KLHDC3: variants seen among roughly 807,000 people sequenced by gnomAD.
The protein encoded by KLHDC3 is kelch domain-containing protein 3.
Under a neutral mutation model 44.1 loss-of-function variants are expected in KLHDC3, and 5 were observed. The ratio of observed to expected loss-of-function variants is 0.11; its 90% CI spans 0.06 to 0.24. The LOEUF (loss-of-function observed/expected upper bound fraction) is 0.24, where lower values mean the gene tolerates loss of function less well. Among genes scored for constraint, KLHDC3 ranks in the 10% least tolerant of loss-of-function variants. The pLI, the probability that KLHDC3 is intolerant of heterozygous loss-of-function variation, is 1.00. For synonymous variants in KLHDC3, 170 were observed against 189.0 expected, an observed-to-expected ratio of 0.90 and a Z score of 0.82; for missense variants, 247 against 514.3, an observed-to-expected ratio of 0.48 and a Z score of 5.03.
chr6:43,021,280 A>T lies in KLHDC3; in HGVS notation c.*547A>T, dbSNP rs1762696758. ...GCCAGCTCAGATTTTATAAAAATTA[A>T]TTAAAATCTCCAAACGTGTTGTGTG... On this transcript the variant is annotated 3_prime_UTR_variant, in exon 11 of 11. Coordinates refer to ENST00000326974, the MANE Select transcript of KLHDC3 (RefSeq NM_057161.4). The T allele has an allele frequency of 2.7e-6, 1 of 370,962 alleles. No homozygotes were observed. The highest frequency in any genetic ancestry group is 5.3e-6 in the Non-Finnish European group (1 of 189,616). The allele number at this position is 370,962 out of a possible 1,614,324, so 23.0% of individuals were successfully genotyped here. A position where few individuals can be genotyped will look rare whatever the true frequency, so the allele number is the denominator to read the frequency against.
In KLHDC3 at chr6:43,018,309, C is replaced by G; in HGVS notation, c.520-34C>G. On this transcript the variant is annotated intron_variant, in intron 5 of 10. Coordinates refer to ENST00000326974, the MANE Select transcript of KLHDC3 (RefSeq NM_057161.4). The surrounding 1 kb of genome is among the most constrained non-coding windows in gnomAD (Gnocchi z 6.0). ...AGGAGATCCTCTTCCAGTCTTTGTG[C>G]TGACCCCTCCACCATCTCTCTGCCT... 1 of 1,597,148 alleles carries G rather than the reference C, an allele frequency of 6.3e-7. No homozygotes were observed. Among genetic ancestry groups the G allele is most frequent in the Non-Finnish European group, 8.6e-7 (1 of 1,165,418 alleles).
rs748593227 is a variant in KLHDC3, at chr6:43,018,316, C to T, written c.520-27C>T. On this transcript the variant is annotated intron_variant, in intron 5 of 10. Coordinates refer to ENST00000326974, the MANE Select transcript of KLHDC3 (RefSeq NM_057161.4). This position sits in a 1 kb window ranked among gnomAD's most constrained non-coding sequence, Gnocchi z 6.0. The stretch of plus-strand genomic sequence containing the variant: ...CCTCTTCCAGTCTTTGTGCTGACCC[C>T]TCCACCATCTCTCTGCCTCTGCCCA... 2 of 1,605,522 alleles carry T rather than the reference C, an allele frequency of 1.2e-6. No homozygotes were observed. The highest frequency in any genetic ancestry group is 1.3e-5 in the African/African-American group (1 of 74,756).
intron 1 of KLHDC3, among the ~76,000 whole-genome samples, chr6:43,015,022 A>T (rs938189019): frequency 6.6e-5 from 10 of 151,904 alleles, no homozygotes; most frequent in Non-Finnish European, 1.5e-4. Flanking sequence ...AGAAACTAAA[A>T]TTTTTTTTCT....
intron 1 of KLHDC3, among the ~76,000 whole-genome samples, chr6:43,015,764 C>T (rs971095478): frequency 1.1e-4 from 17 of 149,716 alleles, no homozygotes; most frequent in African/African-American, 3.0e-4. Context: ...GCAGGAGAAT[C>T]GCTTGAACCC....
In KLHDC3 at chr6:43,018,603, A is replaced by G. The variant is rs534693631; in HGVS notation, c.734-30A>G. The G allele has an allele frequency of 3.0e-5, 48 of 1,612,018 alleles. No individual in the cohort carries two copies. In the South Asian group the frequency reaches 4.8e-4, roughly 16 times the overall value. Reference sequence around the variant, plus strand: ...GTGGAGTTCCCTTCCTGCCCTCTTCACACTCCTGACACTTCCTCTCTCCTT... The same window carrying G: ...GTGGAGTTCCCTTCCTGCCCTCTTCGCACTCCTGACACTTCCTCTCTCCTT... On this transcript the variant is annotated intron_variant, in intron 6 of 10. Coordinates refer to ENST00000326974, the MANE Select transcript of KLHDC3 (RefSeq NM_057161.4). This position sits in a 1 kb window ranked among gnomAD's most constrained non-coding sequence, Gnocchi z 6.0.
chr6:43,014,530 A>G (rs776771304), intron 1 of KLHDC3, 182 bp downstream of exon 1: 2 of 468,072 alleles, frequency 4.3e-6, no homozygotes, highest in South Asian at 3.1e-5. Context: ...TGGCGAGGAG[A>G]TGGGTAGGAG....
Position 43,018,329 on chromosome 6 carries a change from C to G in KLHDC3, c.520-14C>G. 6.2e-7 allele frequency: 1 copy of G among 1,611,592 alleles called. No individual in the cohort carries two copies. Among genetic ancestry groups the G allele is most frequent in the Non-Finnish European group, 8.5e-7 (1 of 1,178,400 alleles). Reference sequence around the variant, plus strand: ...TTGTGCTGACCCCTCCACCATCTCTCTGCCTCTGCCCAGGGCAGCCCTGCA... The same window carrying G: ...TTGTGCTGACCCCTCCACCATCTCTGTGCCTCTGCCCAGGGCAGCCCTGCA... On this transcript the variant is annotated splice_polypyrimidine_tract_variant and intron_variant, in intron 5 of 10. Coordinates refer to ENST00000326974, the MANE Select transcript of KLHDC3 (RefSeq NM_057161.4). This position sits in a 1 kb window ranked among gnomAD's most constrained non-coding sequence, Gnocchi z 6.0.
rs747769983 is a variant in KLHDC3 at position 43,018,108 on chromosome 6, C to T, written c.448-37C>T. ...TGGAGGGTCAGAGAGTGACCATTGGCTCCCTCTTTTCTTCCTCCTTTTCTC... is the reference window on the plus strand; with the variant it reads ...TGGAGGGTCAGAGAGTGACCATTGGTTCCCTCTTTTCTTCCTCCTTTTCTC... On this transcript the variant is annotated intron_variant, in intron 4 of 10. Coordinates refer to ENST00000326974, the MANE Select transcript of KLHDC3 (RefSeq NM_057161.4). This position sits in a 1 kb window ranked among gnomAD's most constrained non-coding sequence, Gnocchi z 6.0. 10 of 1,493,016 alleles carry T rather than the reference C, an allele frequency of 6.7e-6. No homozygotes were observed. The South Asian group carries it at 1.1e-4, about 17-fold the overall frequency. The allele number at this position is 1,493,016 out of a possible 1,614,324, so 92.5% of individuals were successfully genotyped here. A position where few individuals can be genotyped will look rare whatever the true frequency, so the allele number is the denominator to read the frequency against.
chr6:43,020,804 C>T lies in KLHDC3; in HGVS notation c.*71C>T, dbSNP rs980174390. 5.8e-5 allele frequency: 71 copies of T among 1,220,810 alleles called. 1 individual carries two copies. Among genetic ancestry groups the T allele is most frequent in the Admixed American group, 4.1e-4 (24 of 59,212 alleles). 75.6% of individuals were successfully genotyped at this position (1,220,810 alleles called of 1,614,324 possible). On this transcript the variant is annotated 3_prime_UTR_variant, in exon 11 of 11. Transcript: ENST00000326974. ...ACTGCCCCTGCCCATCTGTCACCCA[C>T]CTGCTCCTTTGACCCCTGGACTTGG...
In KLHDC3 at chr6:43,020,810, C is replaced by T; in HGVS notation, c.*77C>T. The T allele has an allele frequency of 8.9e-7, 1 of 1,125,968 alleles. No homozygotes were observed. Among genetic ancestry groups the T allele is most frequent in the East Asian group, 2.4e-5 (1 of 42,268 alleles). The allele number at this position is 1,125,968 out of a possible 1,614,324, so 69.7% of individuals were successfully genotyped here. On this transcript the variant is annotated 3_prime_UTR_variant, in exon 11 of 11. Coordinates refer to ENST00000326974, the MANE Select transcript of KLHDC3 (RefSeq NM_057161.4). ...CCTGCCCATCTGTCACCCACCTGCT[C>T]CTTTGACCCCTGGACTTGGTATACC...
Position 43,018,111 on chromosome 6 carries a change from C to T in KLHDC3, c.448-34C>T. 6.6e-7 allele frequency: 1 copy of T among 1,514,892 alleles called. No individual in the cohort carries two copies. Among genetic ancestry groups the T allele is most frequent in the East Asian group, 2.3e-5 (1 of 44,408 alleles). 93.8% of individuals were successfully genotyped at this position (1,514,892 alleles called of 1,614,324 possible). A position where few individuals can be genotyped will look rare whatever the true frequency, so the allele number is the denominator to read the frequency against. On this transcript the variant is annotated intron_variant, in intron 4 of 10. Coordinates refer to ENST00000326974, the MANE Select transcript of KLHDC3 (RefSeq NM_057161.4). The surrounding 1 kb of genome is among the most constrained non-coding windows in gnomAD (Gnocchi z 6.0). ...AGGGTCAGAGAGTGACCATTGGCTC[C>T]CTCTTTTCTTCCTCCTTTTCTCTTC...
intron 10 of KLHDC3, among the ~76,000 whole-genome samples, chr6:43,020,387 A>G (rs925860268): frequency 2.6e-5 from 4 of 152,174 alleles, no homozygotes; most frequent in Non-Finnish European, 5.9e-5. Context: ...TGACATGTAT[A>G]CACAGATCTC....
rs1320036439 is a variant in KLHDC3 at position 43,017,100 on chromosome 6, G to A, written c.-59-34G>A. The A allele has an allele frequency of 7.6e-6, 11 of 1,445,256 alleles. No homozygotes were observed. Among genetic ancestry groups the A allele is most frequent in the East Asian group, 2.3e-5 (1 of 43,998 alleles). 89.5% of individuals were successfully genotyped at this position (1,445,256 alleles called of 1,614,324 possible). A position where few individuals can be genotyped will look rare whatever the true frequency, so the allele number is the denominator to read the frequency against. ...TCACAGTGAGCTGGGCAGAAGCCTCGCCTGAGGATCCCGTGGCCCCAATTT... is the reference window on the plus strand; with the variant it reads ...TCACAGTGAGCTGGGCAGAAGCCTCACCTGAGGATCCCGTGGCCCCAATTT... On this transcript the variant is annotated intron_variant, in intron 1 of 10. Transcript: ENST00000326974. The surrounding 1 kb of genome is among the most constrained non-coding windows in gnomAD (Gnocchi z 6.0).
In KLHDC3 at chr6:43,020,748, C is replaced by A; in HGVS notation, c.*15C>A. 6.2e-7 allele frequency: 1 copy of A among 1,604,380 alleles called. No homozygotes were observed. Among genetic ancestry groups the A allele is most frequent in the South Asian group, 1.1e-5 (1 of 90,876 alleles). The stretch of plus-strand genomic sequence containing the variant: ...CCCATGGGTAGGAGGAAGTTTCTGC[C>A]ACCTCCCCTCCTGAGCCTGCTGTCA... On this transcript the variant is annotated 3_prime_UTR_variant, in exon 11 of 11. Transcript: ENST00000326974.
At position 43,021,004 on chromosome 6, in the gene KLHDC3, A is replaced by G. The variant is rs1205068136; in HGVS notation, c.*271A>G. 3.3e-6 allele frequency: 2 copies of G among 601,922 alleles called. No individual in the cohort carries two copies. The highest frequency in any genetic ancestry group is 4.3e-5 in the Admixed American group (2 of 46,656). The allele number at this position is 601,922 out of a possible 1,614,324, so 37.3% of individuals were successfully genotyped here. On this transcript the variant is annotated 3_prime_UTR_variant, in exon 11 of 11. Coordinates refer to ENST00000326974, the MANE Select transcript of KLHDC3 (RefSeq NM_057161.4). ...CTGCTCCTGGGCCTCAGCTCTGCCC[A>G]GGGCCAGCCAGGTTCTGCTGGGAAG...
intron 1 of KLHDC3, among the ~76,000 whole-genome samples, chr6:43,016,078 G>T (rs1033622413): frequency 6.6e-5 from 10 of 151,912 alleles, no homozygotes; most frequent in Non-Finnish European, 1.5e-4. Context: ...TGGGACTACA[G>T]GTGCGCGCCA....
chr6:43,018,103 A>G lies in KLHDC3; in HGVS notation c.448-42A>G, dbSNP rs1762617912. On this transcript the variant is annotated intron_variant, in intron 4 of 10. Coordinates refer to ENST00000326974, the MANE Select transcript of KLHDC3 (RefSeq NM_057161.4). This position sits in a 1 kb window ranked among gnomAD's most constrained non-coding sequence, Gnocchi z 6.0. ...AGGGATGGAGGGTCAGAGAGTGACC[A>G]TTGGCTCCCTCTTTTCTTCCTCCTT... The G allele has an allele frequency of 6.8e-7, 1 of 1,473,588 alleles. No homozygotes were observed. The highest frequency in any genetic ancestry group is 2.3e-5 in the East Asian group (1 of 44,232). The allele number at this position is 1,473,588 out of a possible 1,614,324, so 91.3% of individuals were successfully genotyped here. A position where few individuals can be genotyped will look rare whatever the true frequency, so the allele number is the denominator to read the frequency against.
rs1762607901 is a variant in KLHDC3, at chr6:43,017,568, G to A, written c.204G>A (p.Gly68=). The A allele has an allele frequency of 2.5e-6, 4 of 1,612,224 alleles. No individual in the cohort carries two copies. Among genetic ancestry groups the A allele is most frequent in the Middle Eastern group, 3.3e-4 (2 of 6,050 alleles). ...KLPPVKSAIR[G]QAPVVPYMRY... ...CCCCGGTGAAGTCTGCCATCCGTGG[G>A]CAAGCTCCTGTGGTACCCTACATGC... The change falls in exon 3 of 11, where the codon GGG becomes GGA. Residue 68 remains glycine, a synonymous_variant. Coordinates refer to ENST00000326974, the MANE Select transcript of KLHDC3 (RefSeq NM_057161.4). The surrounding 1 kb of genome is among the most constrained non-coding windows in gnomAD (Gnocchi z 6.0).
In KLHDC3 at chr6:43,020,727, T is replaced by G. The variant is rs1394324964; in HGVS notation, c.1143T>G (p.His381Gln). The change falls in exon 11 of 11, where the codon CAT becomes CAG. Residue 381 changes from histidine (H) to glutamine (Q), a missense_variant. This residue lies in a region of KLHDC3 where 176 missense variants were observed against 413.5 expected (regional missense o/e 0.43). Transcript: ENST00000326974. Reference sequence around the variant, plus strand: ...TCAGTCGCCCCATCGTCTCCTCCCATGGGTAGGAGGAAGTTTCTGCCACCT... The same window carrying G: ...TCAGTCGCCCCATCGTCTCCTCCCAGGGGTAGGAGGAAGTTTCTGCCACCT... The part of the protein sequence containing the change: ...SNISRPIVSS[H>Q]G 6.2e-7 allele frequency: 1 copy of G among 1,613,700 alleles called. No homozygotes were observed. Among genetic ancestry groups the G allele is most frequent in the Non-Finnish European group, 8.5e-7 (1 of 1,179,638 alleles).
Sources: allele counts gnomAD v4.1 joint callset (sites outside exome capture counted in the v4.1 genomes callset), GRCh38; gene constraint gnomAD v4.1.1; regional missense constraint gnomAD v4.1.1; non-coding constraint Gnocchi (gnomAD v3.1); transcripts MANE v1.5; gene names NCBI Gene and HGNC (gene_info 2026-07-23, HGNC 2026-07-21).